TRANK1: variants seen among roughly 807,000 people sequenced by gnomAD.
The protein encoded by TRANK1 is TPR and ankyrin repeat-containing protein 1.
In TRANK1, 198 loss-of-function variants were observed where a neutral mutation model predicts 266.0. The ratio of observed to expected loss-of-function variants is 0.74; its 90% confidence interval spans 0.66 to 0.84. The LOEUF is 0.84. Among genes scored for constraint, TRANK1 ranks in the 40% least tolerant of loss-of-function variants. TRANK1 has a pLI of 0.00. For synonymous variants in TRANK1, 1,396 were observed against 1,384.1 expected, an observed-to-expected ratio of 1.01 and a Z score of -0.19; for missense variants, 3,326 against 3,634.6, an observed-to-expected ratio of 0.92 and a Z score of 2.18.
intron 4 of TRANK1, among the ~76,000 whole-genome samples, chr3:36,898,115 G>A (rs6550441): frequency 0.29 from 44,349 of 152,082 alleles, 6,881 homozygotes; most frequent in East Asian, 0.57. Context: ...TATCTTCATA[G>A]CAAACAAATA....
chr3:36,847,344 A>G lies in TRANK1; in HGVS notation c.4890T>C (p.Ala1630=). ...AGGAAATGATCTTCCATTCCTTATA[A>G]GCCTGAACAACAACAAAAAAGTGAA... is the stretch of plus-strand genomic sequence containing the variant. ...LLYNFFTDSE[A]YKEWKIISSF... is the part of the protein sequence containing the mutation. The change falls in exon 16 of 24, where the codon GCT becomes GCC. Residue 1630 remains alanine, a splice_region_variant and synonymous_variant. Coordinates refer to ENST00000645898, the MANE Select transcript of TRANK1 (RefSeq NM_001329998.2). 7.4e-6 allele frequency: 12 copies of G among 1,613,318 alleles called. No individual in the cohort carries two copies. Among genetic ancestry groups the G allele is most frequent in the Non-Finnish European group, 1.0e-5 (12 of 1,179,534 alleles).
Position 36,857,863 on chromosome 3 carries a change from T to C in TRANK1, c.1859A>G (p.Asn620Ser). ...LLDLLVKFDI[N>S]FNLKNKEGKD... ...GCCCTCTTTGTTCTTCAGATTGAAGTTGATGTCAAACTTCACCAGCAGGTC... is the reference window on the plus strand; with the variant it reads ...GCCCTCTTTGTTCTTCAGATTGAAGCTGATGTCAAACTTCACCAGCAGGTC... The change falls in exon 13 of 24, where the codon AAC becomes AGC. Residue 620 changes from asparagine to serine, a missense_variant. By Grantham distance (46) the Asn-to-Ser change is conservative (BLOSUM62 1). Transcript: ENST00000645898. The surrounding 1 kb of genome is among the most constrained non-coding windows in gnomAD (Gnocchi z 4.3). The C allele has an allele frequency of 2.5e-6, 4 of 1,613,560 alleles. No individual in the cohort carries two copies. Among genetic ancestry groups the C allele is most frequent in the Non-Finnish European group, 3.4e-6 (4 of 1,179,896 alleles).
chr3:36,881,722 A>G (rs1210962176), intron 8 of TRANK1, among the ~76,000 whole-genome samples: 1 of 152,172 alleles, frequency 6.6e-6, no homozygotes, highest in Non-Finnish European at 1.5e-5. Flanking sequence ...ATCACCCCTA[A>G]AATAAATCTC....
intron 1 of TRANK1, among the ~76,000 whole-genome samples, chr3:36,916,683 A>G (rs760537480): frequency 2.6e-5 from 4 of 152,216 alleles, no homozygotes; most frequent in Non-Finnish European, 5.9e-5. Flanking sequence ...TTCCTGATGA[A>G]TTTCATGGGC....
rs1303645766 is a variant in TRANK1 at position 36,850,333 on chromosome 3, G to A, written c.4887+1386C>T. 1.0e-5 allele frequency: 10 copies of A among 985,318 alleles called. No homozygotes were observed. In the Admixed American group the frequency reaches 1.8e-4, roughly 18 times the overall value. The allele number at this position is 985,318 out of a possible 1,614,324, so 61.0% of individuals were successfully genotyped here. On this transcript the variant is annotated intron_variant, in intron 15 of 23. Coordinates refer to ENST00000645898, the MANE Select transcript of TRANK1 (RefSeq NM_001329998.2). ...GAACAGCAATGATACACTAATTGTG[G>A]AAGGTTCTGGAATTCAATTCGCATG...
chr3:36,907,225 G>A (rs1321312177), intron 2 of TRANK1, among the ~76,000 whole-genome samples: 3 of 151,992 alleles, frequency 2.0e-5, no homozygotes, highest in Admixed American at 6.6e-5. Flanking sequence ...ATCTCGGCTC[G>A]CTGTAACATC....
intron 4 of TRANK1, among the ~76,000 whole-genome samples, chr3:36,897,138 C>T (rs1419131054): frequency 6.6e-6 from 1 of 151,794 alleles, no homozygotes; most frequent in Non-Finnish European, 1.5e-5. Flanking sequence ...TCCATCTCTA[C>T]TAAAAATACA....
chr3:36,882,714 G>A (rs1009190618), intron 8 of TRANK1, among the ~76,000 whole-genome samples: 1 of 152,076 alleles, frequency 6.6e-6, no homozygotes, highest in Non-Finnish European at 1.5e-5. Flanking sequence ...CTGACAAACC[G>A]GGAGAAAATA....
intron 22 of TRANK1, 141 bp from the exon 23 acceptor site, chr3:36,829,803 G>C (rs2078671593): frequency 2.5e-6 from 2 of 796,564 alleles, no homozygotes; most frequent in Admixed American, 2.5e-5. Context: ...TCGGGTAAGG[G>C]ACCCAAAGCT....
At position 36,898,449 on chromosome 3, in the gene TRANK1, C is replaced by CAA. The variant is rs11413359; in HGVS notation, c.433+658_433+659dup. Reference sequence around the variant, plus strand: ...GGGCAACAAGACTGAAAATCCATCTCAAACAAAAAAAGAAAGAAAAAGAAA... The same window carrying CAA: ...GGGCAACAAGACTGAAAATCCATCTCAAAAACAAAAAAAGAAAGAAAAAGAAA... On this transcript the variant is annotated intron_variant, in intron 4 of 23. Transcript: ENST00000645898. 1.9e-4 allele frequency among the ~76,000 whole-genome samples: 29 copies of CAA among 150,568 alleles called. No homozygotes were observed. The East Asian group carries it at 4.4e-3, about 23-fold the overall frequency.
At chr3:36,906,740 A>G (rs1351548627) in intron 2 of TRANK1, among the ~76,000 whole-genome samples, 2 of 152,170 alleles carry the variant, frequency 1.3e-5, no homozygotes, top group Non-Finnish European at 2.9e-5. Context: ...TGAGAAAGGC[A>G]AGGAAGTGCC....
At chr3:36,926,862 T>C (rs1371885138) in intron 1 of TRANK1, among the ~76,000 whole-genome samples, 1 of 152,198 alleles carries the variant, frequency 6.6e-6, no homozygotes, top group East Asian at 1.9e-4. Context: ...TCTATATCTG[T>C]TCCTCAATTT....
At chr3:36,939,176 A>G (rs1488264285) in intron 1 of TRANK1, among the ~76,000 whole-genome samples, 4 of 151,878 alleles carry the variant, frequency 2.6e-5, no homozygotes. Flanking sequence ...AGCTGTGTGT[A>G]TACACAGGCA....
chr3:36,916,225 C>T (rs9823552), intron 1 of TRANK1, among the ~76,000 whole-genome samples: 5,006 of 152,216 alleles, frequency 0.033, 263 homozygotes, highest in African/African-American at 0.11. Flanking sequence ...CTAGTGGCTA[C>T]CGTATTGAAC....
At chr3:36,866,574 C>T (rs1306966668) in intron 9 of TRANK1, among the ~76,000 whole-genome samples, 3 of 152,214 alleles carry the variant, frequency 2.0e-5, no homozygotes, top group African/African-American at 7.2e-5. Flanking sequence ...GTGTGAGTCA[C>T]ACTTCAGAGT....
In TRANK1 at chr3:36,901,039, G is replaced by A. The variant is rs189584989; in HGVS notation, c.283-1780C>T. On this transcript the variant is annotated intron_variant, in intron 3 of 23. Transcript: ENST00000645898. Reference sequence around the variant, plus strand: ...AGAGGAGGAAAAAAAAGTGTGTTTCGTTTTTTCTAACTAGGCAAGCTGATA... The same window carrying A: ...AGAGGAGGAAAAAAAAGTGTGTTTCATTTTTTCTAACTAGGCAAGCTGATA... Among the ~76,000 whole-genome samples the A allele has an allele frequency of 4.3e-4, 64 of 148,888 alleles. 1 individual carries two copies. Among genetic ancestry groups the A allele is most frequent in the Admixed American group, 2.4e-3 (36 of 14,942 alleles).
At chr3:36,872,873 A>G (rs1342494925) in intron 9 of TRANK1, among the ~76,000 whole-genome samples, 2 of 148,818 alleles carry the variant, frequency 1.3e-5, no homozygotes, top group Non-Finnish European at 2.9e-5. Context: ...GGAAGGACCC[A>G]TATCTAGATA....
At chr3:36,927,020 C>A (rs1420010554) in intron 1 of TRANK1, among the ~76,000 whole-genome samples, 1 of 152,118 alleles carries the variant, frequency 6.6e-6, no homozygotes, top group Non-Finnish European at 1.5e-5. Context: ...AACTTCAAAC[C>A]AAAATGTTAC....
At chr3:36,917,623 C>A (rs894853888) in intron 1 of TRANK1, among the ~76,000 whole-genome samples, 1 of 152,090 alleles carries the variant, frequency 6.6e-6, no homozygotes, top group Non-Finnish European at 1.5e-5. Context: ...AAGAGAGAGG[C>A]GAGTTTAAGA....
Sources: gnomAD v4.1 joint callset for allele counts (sites outside exome capture counted in the v4.1 genomes callset) on GRCh38, gnomAD v4.1.1 for gene constraint, Gnocchi (gnomAD v3.1) non-coding constraint, MANE v1.5 for transcripts, NCBI Gene and HGNC (gene_info 2026-07-23, HGNC 2026-07-21) for gene names.